The following SLC35F3 variants were observed in gnomAD, a reference collection of about 807,000 sequenced individuals.
The protein encoded by SLC35F3 is solute carrier family 35 member F3, also known as putative thiamine transporter SLC35F3.
Under a neutral mutation model 49.9 loss-of-function variants are expected in SLC35F3, and 25 were observed. The ratio of observed to expected loss-of-function variants is 0.50; its 90% CI spans 0.37 to 0.70. The LOEUF is 0.70. SLC35F3 is among the 30% of genes least tolerant of loss of function. The pLI, the probability that SLC35F3 is intolerant of heterozygous loss-of-function variation, is 0.00. For missense variants in SLC35F3, 525 were observed against 639.8 expected (o/e 0.82, Z 1.94); for synonymous variants, 275 against 265.4 (o/e 1.04, Z -0.35).
At chr1:234,136,297 C>A (rs977564458) in intron 2 of SLC35F3, among the ~76,000 whole-genome samples, 1 of 147,444 alleles carries the variant, frequency 6.8e-6, no homozygotes, top group South Asian at 2.2e-4. Flanking sequence ...CTTTATTTTT[C>A]TTTCTCCTTT....
At chr1:234,074,895 T>TG (rs1664771667) in intron 2 of SLC35F3, among the ~76,000 whole-genome samples, 1 of 152,144 alleles carries the variant, frequency 6.6e-6, no homozygotes, top group Non-Finnish European at 1.5e-5. Flanking sequence ...TTGAGATGTC[T>TG]GGGGAGGAGC....
At chr1:233,980,674 T>C (rs1396729269) in intron 2 of SLC35F3, among the ~76,000 whole-genome samples, 2 of 152,232 alleles carry the variant, frequency 1.3e-5, no homozygotes, top group African/African-American at 4.8e-5. Flanking sequence ...AATGATGTTA[T>C]ATTTTCATCT....
intron 3 of SLC35F3, among the ~76,000 whole-genome samples, chr1:234,275,223 C>T (rs1206766437): frequency 2.0e-5 from 3 of 152,098 alleles, no homozygotes; most frequent in Non-Finnish European, 4.4e-5. Context: ...GAAAATTACC[C>T]TCAGGCTATG....
At position 234,154,494 on chromosome 1, in the gene SLC35F3, C is replaced by T. The variant is rs114977905; in HGVS notation, c.284-76923C>T. On this transcript the variant is annotated intron_variant, in intron 2 of 7. Transcript: ENST00000366618. ...TAGAAACCAACCCTTCTTGGAGAAA[C>T]AGTTGCTTCCAAGTCTAAGCCGGAA... Among the ~76,000 whole-genome samples, 666 of 152,246 alleles carry T rather than the reference C, an allele frequency of 4.4e-3. 9 individuals are homozygous for T. The highest frequency in any genetic ancestry group is 0.015 in the African/African-American group (636 of 41,544).
At chr1:234,310,245 A>C (rs1657312390) in intron 4 of SLC35F3, among the ~76,000 whole-genome samples, 1 of 152,182 alleles carries the variant, frequency 6.6e-6, no homozygotes, top group Non-Finnish European at 1.5e-5. Context: ...CTTCAGCCAC[A>C]AAGCTAAGAG....
intron 3 of SLC35F3, among the ~76,000 whole-genome samples, chr1:234,304,327 A>G (rs1407612041): frequency 6.6e-6 from 1 of 151,908 alleles, no homozygotes; most frequent in Non-Finnish European, 1.5e-5. Context: ...ACACCAGATA[A>G]TTTTTATATT....
At chr1:234,108,657 TTA>T (rs559371531) in intron 2 of SLC35F3, among the ~76,000 whole-genome samples, 238 of 88,164 alleles carry the variant, frequency 2.7e-3, no homozygotes, top group African/African-American at 5.9e-3. Context: ...ATACATATAT[TTA>T]TATATATAAA....
At chr1:233,966,420 C>A (rs1662907145) in intron 2 of SLC35F3, among the ~76,000 whole-genome samples, 1 of 152,054 alleles carries the variant, frequency 6.6e-6, no homozygotes, top group Non-Finnish European at 1.5e-5. Flanking sequence ...GATGAGTACA[C>A]CCCAATCAGA....
At position 234,146,481 on chromosome 1, in the gene SLC35F3, C is replaced by CTTTTTTTTTTTT. The variant is rs869146212; in HGVS notation, c.284-84923_284-84912dup. Among the ~76,000 whole-genome samples, 13 of 74,042 alleles carry CTTTTTTTTTTTT rather than the reference C, an allele frequency of 1.8e-4. 2 individuals carry two copies. The highest frequency in any genetic ancestry group is 5.9e-4 in the South Asian group (1 of 1,706). 48.6% of individuals were successfully genotyped at this position (74,042 alleles called of 152,430 possible). Reference sequence around the variant, plus strand: ...AATAAAAGTTACCAAGATATTTGCTCTTTTTTTTTTTTTTTTTTTTTTTTC... The same window carrying CTTTTTTTTTTTT: ...AATAAAAGTTACCAAGATATTTGCTCTTTTTTTTTTTTTTTTTTTTTTTTTTTTTTTTTTTTC... On this transcript the variant is annotated intron_variant, in intron 2 of 7. Coordinates refer to ENST00000366618, the MANE Select transcript of SLC35F3 (RefSeq NM_173508.4).
intron 2 of SLC35F3, among the ~76,000 whole-genome samples, chr1:234,097,518 G>A (rs1050035168): frequency 6.6e-6 from 1 of 152,106 alleles, no homozygotes; most frequent in Non-Finnish European, 1.5e-5. Context: ...GCTGGAATTT[G>A]AACCAAAGTC....
At chr1:234,314,005 A>G (rs952116745) in intron 4 of SLC35F3, among the ~76,000 whole-genome samples, 1 of 152,170 alleles carries the variant, frequency 6.6e-6, no homozygotes, top group Non-Finnish European at 1.5e-5. Flanking sequence ...TAAGGTAGGA[A>G]CCCTAGTTCA....
intron 2 of SLC35F3, among the ~76,000 whole-genome samples, chr1:234,055,232 G>A (rs1664439219): frequency 6.6e-6 from 1 of 152,174 alleles, no homozygotes; most frequent in Non-Finnish European, 1.5e-5. Flanking sequence ...GCTATGCCCT[G>A]CCCCCAGAGG....
intron 2 of SLC35F3, among the ~76,000 whole-genome samples, chr1:233,927,730 A>T (rs1178788044): frequency 1.3e-5 from 2 of 152,142 alleles, no homozygotes; most frequent in African/African-American, 4.8e-5. Flanking sequence ...CCAGAGTATG[A>T]TCTATGTCCA....
chr1:233,984,884 C>T (rs535756332), intron 2 of SLC35F3, among the ~76,000 whole-genome samples: 1 of 152,216 alleles, frequency 6.6e-6, no homozygotes, highest in African/African-American at 2.4e-5. Context: ...TTCTAGCTTC[C>T]TTGGTTATTG....
chr1:234,057,536 T>C (rs1358450204), intron 2 of SLC35F3, among the ~76,000 whole-genome samples: 1 of 152,206 alleles, frequency 6.6e-6, no homozygotes, highest in Non-Finnish European at 1.5e-5. Flanking sequence ...CTAATAGCTG[T>C]TTAGTGGATT....
chr1:234,001,363 C>T (rs1663551073), intron 2 of SLC35F3, among the ~76,000 whole-genome samples: 3 of 152,144 alleles, frequency 2.0e-5, no homozygotes, highest in African/African-American at 7.2e-5. Context: ...TGGAAAATGC[C>T]AGTGAGGCAA....
At chr1:234,194,215 C>T (rs1314166985) in intron 2 of SLC35F3, among the ~76,000 whole-genome samples, 3 of 152,182 alleles carry the variant, frequency 2.0e-5, no homozygotes, top group African/African-American at 7.2e-5. Flanking sequence ...CCCTAATGCT[C>T]ATCAATCAAT....
At chr1:234,089,272 C>T (rs1257127331) in intron 2 of SLC35F3, among the ~76,000 whole-genome samples, 3 of 152,160 alleles carry the variant, frequency 2.0e-5, no homozygotes, top group African/African-American at 7.2e-5. Flanking sequence ...GTTTGCATCA[C>T]CTGAAAGTCA....
At chr1:234,033,702 T>A (rs751321692) in intron 2 of SLC35F3, among the ~76,000 whole-genome samples, 2 of 152,218 alleles carry the variant, frequency 1.3e-5, no homozygotes, top group Non-Finnish European at 2.9e-5. Context: ...CTGTTCTGTT[T>A]CATTGGTCTA....
Sources: gnomAD v4.1 joint callset for allele counts (sites outside exome capture counted in the v4.1 genomes callset) on GRCh38, gnomAD v4.1.1 for gene constraint, MANE v1.5 for transcripts, NCBI Gene and HGNC (gene_info 2026-07-23, HGNC 2026-07-21) for gene names.